The following TECRL variants were observed in gnomAD, a reference collection of about 807,000 sequenced individuals.
The protein encoded by TECRL is trans-2,3-enoyl-CoA reductase like, also known as trans-2,3-enoyl-CoA reductase-like.
TECRL carries 63 observed loss-of-function variants against 52.8 expected under a neutral mutation model. That is an observed-to-expected ratio of 1.19 (90% CI 0.97 to 1.47). TECRL has a LOEUF of 1.47. TECRL is among the 40% of genes most tolerant of loss of function. The probability of loss-of-function intolerance (pLI) is 0.00; values close to 1 mark genes in which losing one functional copy is unlikely to be tolerated. For synonymous variants in TECRL, 164 were observed against 141.9 expected (o/e 1.16, Z -1.10); for missense variants, 482 against 429.6 (o/e 1.12, Z -1.08).
At chr4:64,374,231 G>A (rs1021151) in intron 2 of TECRL, among the ~76,000 whole-genome samples, 1 of 150,510 alleles carries the variant, frequency 6.6e-6, no homozygotes, top group Non-Finnish European at 1.5e-5. Context: ...TCAAGCAATT[G>A]TATTCCTTCC....
chr4:64,304,668 G>GAATT (rs1386324467), intron 7 of TECRL, among the ~76,000 whole-genome samples: 2 of 151,906 alleles, frequency 1.3e-5, no homozygotes, highest in African/African-American at 4.8e-5. Flanking sequence ...AAGAACCAAG[G>GAATT]AATTAGGTTT....
intron 5 of TECRL, among the ~76,000 whole-genome samples, chr4:64,313,809 A>AT (rs1305056843): frequency 3.3e-5 from 5 of 150,228 alleles, no homozygotes; most frequent in African/African-American, 1.2e-4. Flanking sequence ...ATACTTCAAA[A>AT]TGGTATTTAA....
intron 1 of TECRL, among the ~76,000 whole-genome samples, chr4:64,390,132 C>A (rs578238882): frequency 6.6e-6 from 1 of 151,998 alleles, no homozygotes; most frequent in Non-Finnish European, 1.5e-5. Flanking sequence ...AGAAGCCAGG[C>A]AGCTACAATT....
intron 1 of TECRL, among the ~76,000 whole-genome samples, chr4:64,403,078 C>T (rs1314624941): frequency 2.0e-5 from 3 of 151,862 alleles, no homozygotes; most frequent in African/African-American, 7.3e-5. Flanking sequence ...TCCCCGTGTT[C>T]CTATCTCTCT....
intron 2 of TECRL, among the ~76,000 whole-genome samples, chr4:64,342,092 A>G (rs188254268): frequency 1.3e-5 from 2 of 152,330 alleles, no homozygotes; most frequent in Admixed American, 1.3e-4. Context: ...ACTAGCCACA[A>G]GTTTCCAGCC....
intron 2 of TECRL, among the ~76,000 whole-genome samples, chr4:64,350,992 A>G (rs989401925): frequency 2.4e-5 from 2 of 84,758 alleles, no homozygotes; most frequent in African/African-American, 7.1e-5. Context: ...ATGGTGGATA[A>G]CACCAAAGGA....
chr4:64,345,094 T>A (rs1719855428), intron 2 of TECRL, among the ~76,000 whole-genome samples: 1 of 152,132 alleles, frequency 6.6e-6, no homozygotes, highest in South Asian at 2.1e-4. Context: ...TAGGAACACT[T>A]TTACACTGTT....
chr4:64,337,785 G>T (rs1432999946), intron 2 of TECRL, among the ~76,000 whole-genome samples: 5 of 151,836 alleles, frequency 3.3e-5, no homozygotes, highest in Non-Finnish European at 7.4e-5. Flanking sequence ...AGAGGAGAGG[G>T]CACAAACAAA....
chr4:64,388,237 A>ATTTT (rs1723312220), intron 1 of TECRL, among the ~76,000 whole-genome samples: 1 of 17,912 alleles, frequency 5.6e-5, no homozygotes, highest in African/African-American at 1.0e-4. Flanking sequence ...TTTTTTTTGC[A>ATTTT]TGTGGATGTC....
intron 8 of TECRL, among the ~76,000 whole-genome samples, chr4:64,293,138 G>A (rs1190834498): frequency 6.6e-6 from 1 of 151,866 alleles, no homozygotes; most frequent in Admixed American, 6.6e-5. Flanking sequence ...ATCGTCATAA[G>A]GATAAATACA....
chr4:64,337,574 C>A (rs1719198713), intron 2 of TECRL, among the ~76,000 whole-genome samples: 1 of 152,174 alleles, frequency 6.6e-6, no homozygotes, highest in African/African-American at 2.4e-5. Context: ...GCAACTTCAG[C>A]AAAGTCTCAG....
chr4:64,336,687 C>G (rs1293479975), intron 2 of TECRL, among the ~76,000 whole-genome samples: 1 of 152,162 alleles, frequency 6.6e-6, no homozygotes, highest in African/African-American at 2.4e-5. Context: ...AAATGTGTCC[C>G]AGAGATTCTG....
chr4:64,409,353 G>T lies in TECRL; in HGVS notation c.-2C>A. Reference sequence around the variant, plus strand: ...GAGGGACTTGTGCCTTTTGAACATTGTGTGAACTAAGAGGAGGGTCTGTCA... The same window carrying T: ...GAGGGACTTGTGCCTTTTGAACATTTTGTGAACTAAGAGGAGGGTCTGTCA... On this transcript the variant is annotated 5_prime_UTR_variant, in exon 1 of 12. Transcript: ENST00000381210. 1 of 1,611,804 alleles carries T rather than the reference G, an allele frequency of 6.2e-7. No homozygotes were observed. Among genetic ancestry groups the T allele is most frequent in the Non-Finnish European group, 8.5e-7 (1 of 1,178,386 alleles).
chr4:64,384,674 T>A (rs1055832432), intron 1 of TECRL, among the ~76,000 whole-genome samples: 1 of 152,078 alleles, frequency 6.6e-6, no homozygotes, highest in Admixed American at 6.6e-5. Flanking sequence ...CCAGTTTGTA[T>A]GGACCTGTTC....
intron 9 of TECRL, among the ~76,000 whole-genome samples, chr4:64,282,084 T>A (rs999213736): frequency 1.3e-5 from 2 of 151,932 alleles, no homozygotes; most frequent in African/African-American, 4.8e-5. Flanking sequence ...AGGATTACAC[T>A]GAATATCAGT....
chr4:64,371,370 T>C (rs1253008871), intron 2 of TECRL, among the ~76,000 whole-genome samples: 1 of 150,892 alleles, frequency 6.6e-6, no homozygotes, highest in African/African-American at 2.4e-5. Flanking sequence ...CAAAACCAAA[T>C]AATTATAATA....
At chr4:64,320,374 A>G (rs973709396) in intron 4 of TECRL, among the ~76,000 whole-genome samples, 1 of 151,936 alleles carries the variant, frequency 6.6e-6, no homozygotes, top group Admixed American at 6.6e-5. Context: ...GTAAAACATT[A>G]CTTTTGTTGC....
intron 9 of TECRL, among the ~76,000 whole-genome samples, chr4:64,285,141 C>T (rs1273256088): frequency 6.6e-6 from 1 of 152,040 alleles, no homozygotes; most frequent in Non-Finnish European, 1.5e-5. Flanking sequence ...ACATTTGAAG[C>T]TTTCTTTCAA....
At chr4:64,313,081 T>C (rs1717173084) in intron 5 of TECRL, among the ~76,000 whole-genome samples, 1 of 151,964 alleles carries the variant, frequency 6.6e-6, no homozygotes, top group African/African-American at 2.4e-5. Flanking sequence ...TATTTCTTCA[T>C]AGCAACATGA....
Sources: gnomAD v4.1 joint callset for allele counts (sites outside exome capture counted in the v4.1 genomes callset) on GRCh38, gnomAD v4.1.1 for gene constraint, MANE v1.5 for transcripts, NCBI Gene and HGNC (gene_info 2026-07-23, HGNC 2026-07-21) for gene names.